TNPO2: variants seen among roughly 807,000 people sequenced by gnomAD.
The protein encoded by TNPO2 is transportin-2.
In TNPO2, 16 loss-of-function variants were observed where a neutral mutation model predicts 111.1. The observed-to-expected ratio is 0.14, with a 90% CI of 0.10 to 0.22. TNPO2 has a LOEUF of 0.22. Ranked by LOEUF, TNPO2 falls within the 10% of genes least tolerant of loss-of-function variation. TNPO2 has a pLI of 1.00. For synonymous variants in TNPO2, 481 were observed against 475.8 expected, an observed-to-expected ratio of 1.01 and a Z score of -0.14; for missense variants, 530 against 1,173.7, an observed-to-expected ratio of 0.45 and a Z score of 8.01.
intron 1 of TNPO2, 117 bp downstream of exon 1, chr19:12,723,652 C>T (rs1033690443): frequency 6.6e-6 from 1 of 152,162 alleles, no homozygotes; most frequent in Non-Finnish European, 1.5e-5. Context: ...AATGAATTCA[C>T]CAGCTCTAAT....
chr19:12,709,526 T>G (rs1195465082), intron 13 of TNPO2, among the ~76,000 whole-genome samples: 1 of 152,124 alleles, frequency 6.6e-6, no homozygotes, highest in East Asian at 1.9e-4. Flanking sequence ...CAGTCTGTTC[T>G]CCATGCTGGA....
intron 10 of TNPO2, 41 bp downstream of exon 10, chr19:12,714,780 G>C: frequency 6.5e-7 from 1 of 1,546,226 alleles, no homozygotes; most frequent in Non-Finnish European, 8.9e-7. Context: ...ATAGCAAGGG[G>C]TCGAAGCTGG....
intron 13 of TNPO2, among the ~76,000 whole-genome samples, chr19:12,708,762 T>G (rs1246923027): frequency 2.0e-5 from 3 of 151,934 alleles, no homozygotes; most frequent in African/African-American, 7.3e-5. Flanking sequence ...TTCCAACTAC[T>G]TGGGAGGCTG....
intron 10 of TNPO2, 74 bp from the exon 11 acceptor site, chr19:12,711,687 G>T: frequency 7.4e-7 from 1 of 1,346,200 alleles, no homozygotes. Context: ...GCTTGGGGAG[G>T]AGGCAAACAG....
chr19:12,706,356 G>T lies in TNPO2; in HGVS notation c.1508C>A (p.Thr503Asn). 1 of 1,614,168 alleles carries T rather than the reference G, an allele frequency of 6.2e-7. No individual in the cohort carries two copies. The highest frequency in any genetic ancestry group is 8.5e-7 in the Non-Finnish European group (1 of 1,180,024). The change falls in exon 15 of 26, where the codon ACC becomes AAC. Residue 503 changes from threonine to asparagine, a missense_variant. By Grantham distance (65) the Thr-to-Asn change is moderately conservative (BLOSUM62 0). Transcript: ENST00000425528. This position sits in a 1 kb window ranked among gnomAD's most constrained non-coding sequence, Gnocchi z 7.0. ...VQEAACSAFA[T>N]LEEEACTELV... Reference sequence around the variant, plus strand: ...CTCCGTGCAGGCCTCTTCCTCCAGGGTGGCAAAAGCACTGGTGGGAGGGAG... The same window carrying T: ...CTCCGTGCAGGCCTCTTCCTCCAGGTTGGCAAAAGCACTGGTGGGAGGGAG...
chr19:12,699,634 A>T lies in TNPO2; in HGVS notation c.*1630T>A, dbSNP rs2025186488. The T allele has an allele frequency of 6.6e-6, 1 of 152,186 alleles. No homozygotes were observed. The allele number at this position is 152,186 out of a possible 1,614,324, so 9.4% of individuals were successfully genotyped here. On this transcript the variant is annotated 3_prime_UTR_variant, in exon 26 of 26. Transcript: ENST00000425528. ...GCTTCAAAGAACTGGAATTACCAGA[A>T]AATTAAAAGGTATTTTTAAAACTTT...
Position 12,721,691 on chromosome 19 carries a change from G to C in TNPO2, c.-13-701C>G, listed in dbSNP as rs1318880908. ...CCAGGTAGGTCTCTGCTGCCTCTTC[G>C]AATGAGAGCCAGCCAAGCCCGGCCA... is the stretch of plus-strand genomic sequence containing the variant. On this transcript the variant is annotated intron_variant, in intron 2 of 25. Coordinates refer to ENST00000425528, the MANE Select transcript of TNPO2 (RefSeq NM_001382241.1). This position sits in a 1 kb window ranked among gnomAD's most constrained non-coding sequence, Gnocchi z 4.9. The C allele has an allele frequency of 4.6e-6, 1 of 217,210 alleles. No homozygotes were observed. The highest frequency in any genetic ancestry group is 2.4e-5 in the African/African-American group (1 of 41,530). 13.5% of individuals were successfully genotyped at this position (217,210 alleles called of 1,614,324 possible).
rs933041213 is a variant in TNPO2 at position 12,706,857 on chromosome 19, G to A, written c.1271-62C>T. The A allele has an allele frequency of 7.3e-7, 1 of 1,374,698 alleles. No individual in the cohort carries two copies. The highest frequency in any genetic ancestry group is 1.0e-6 in the Non-Finnish European group (1 of 988,050). 85.2% of individuals were successfully genotyped at this position (1,374,698 alleles called of 1,614,324 possible). A position where few individuals can be genotyped will look rare whatever the true frequency, so the allele number is the denominator to read the frequency against. On this transcript the variant is annotated intron_variant, in intron 13 of 25. Coordinates refer to ENST00000425528, the MANE Select transcript of TNPO2 (RefSeq NM_001382241.1). The surrounding 1 kb of genome is among the most constrained non-coding windows in gnomAD (Gnocchi z 7.0). ...TGGGCCCAGCCACACCCACCGTATG[G>A]AGAGAAGAGTCAGCCGCACACAACA...
At chr19:12,722,648 C>T (rs1967079480) in intron 2 of TNPO2, 1 of 151,292 alleles carries the variant, frequency 6.6e-6, no homozygotes, top group African/African-American at 2.4e-5. Flanking sequence ...CTCCCGTACT[C>T]CGTTCAAACT....
At position 12,703,476 on chromosome 19, in the gene TNPO2, C is replaced by T. The variant is rs778731425; in HGVS notation, c.2161G>A (p.Val721Ile). 6.2e-7 allele frequency: 1 copy of T among 1,613,968 alleles called. No individual in the cohort carries two copies. The highest frequency in any genetic ancestry group is 8.5e-7 in the Non-Finnish European group (1 of 1,179,892). The change falls in exon 20 of 26, where the codon GTC becomes ATC. Residue 721 changes from valine (V) to isoleucine (I), a missense_variant. Transcript: ENST00000425528. ...GTNLNPEFISVCNNATWAIGE... is the reference protein window; with the variant it reads ...GTNLNPEFISICNNATWAIGE... ...ATGGCCCAGGTGGCGTTGTTGCAGA[C>T]GGAGATGAACTCTGGGTTCAGGTTG...
chr19:12,713,710 A>C (rs114876451), intron 10 of TNPO2, among the ~76,000 whole-genome samples: 135 of 152,002 alleles, frequency 8.9e-4, no homozygotes, highest in African/African-American at 3.1e-3. Flanking sequence ...CGTCTCAAAA[A>C]CAGAAATTTC....
chr19:12,717,925 G>A (rs958408344), intron 5 of TNPO2, among the ~76,000 whole-genome samples: 3 of 151,980 alleles, frequency 2.0e-5, no homozygotes, highest in South Asian at 2.1e-4. Flanking sequence ...CAAGTGATCC[G>A]CCTGCCTTGG....
chr19:12,704,127 C>T (rs1366428566), intron 18 of TNPO2, among the ~76,000 whole-genome samples: 4 of 152,162 alleles, frequency 2.6e-5, no homozygotes, highest in African/African-American at 4.8e-5. Flanking sequence ...AGCACTTTGG[C>T]AGGCCGAGGC....
chr19:12,701,558 C>G lies in TNPO2; in HGVS notation c.2586+40G>C. On this transcript the variant is annotated intron_variant, in intron 24 of 25. Coordinates refer to ENST00000425528, the MANE Select transcript of TNPO2 (RefSeq NM_001382241.1). The surrounding 1 kb of genome is among the most constrained non-coding windows in gnomAD (Gnocchi z 5.0). Reference sequence around the variant, plus strand: ...TGTTACCAGATGGTCTCACCCCTGCCTGCTCCCGGAACTAGATCAGGGCCC... The same window carrying G: ...TGTTACCAGATGGTCTCACCCCTGCGTGCTCCCGGAACTAGATCAGGGCCC... 6.2e-7 allele frequency: 1 copy of G among 1,611,486 alleles called. No homozygotes were observed. Among genetic ancestry groups the G allele is most frequent in the African/African-American group, 1.3e-5 (1 of 74,958 alleles).
At position 12,709,323 on chromosome 19, in the gene TNPO2, C is replaced by T. The variant is rs568095528; in HGVS notation, c.1270+1298G>A. On this transcript the variant is annotated intron_variant, in intron 13 of 25. Transcript: ENST00000425528. The stretch of plus-strand genomic sequence containing the variant: ...GTTGCAGTGAGCCAAGATCATGCCA[C>T]TGCACCCCAGCCTGGCGAGAAAGCA... Among the ~76,000 whole-genome samples, 20 of 152,298 alleles carry T rather than the reference C, an allele frequency of 1.3e-4. No homozygotes were observed. The South Asian group carries it at 2.7e-3, about 21-fold the overall frequency.
At chr19:12,714,194 T>C (rs1419368088) in intron 10 of TNPO2, among the ~76,000 whole-genome samples, 1 of 152,088 alleles carries the variant, frequency 6.6e-6, no homozygotes, top group Admixed American at 6.6e-5. Flanking sequence ...AGAGGGAAGG[T>C]TGTGCCTAAG....
intron 13 of TNPO2, among the ~76,000 whole-genome samples, chr19:12,707,453 C>T (rs1599413331): frequency 1.4e-5 from 2 of 142,758 alleles, no homozygotes; most frequent in East Asian, 4.2e-4. Context: ...GCATTTGAAA[C>T]AGTTCTTAAG....
Position 12,705,483 on chromosome 19 carries a change from G to A in TNPO2, c.1863+9C>T. The A allele has an allele frequency of 6.3e-7, 1 of 1,588,742 alleles. No individual in the cohort carries two copies. Among genetic ancestry groups the A allele is most frequent in the Non-Finnish European group, 8.6e-7 (1 of 1,168,076 alleles). On this transcript the variant is annotated intron_variant, in intron 17 of 25. Transcript: ENST00000425528. This position sits in a 1 kb window ranked among gnomAD's most constrained non-coding sequence, Gnocchi z 7.2. ...CAGAAGCACAGGTGACGGGCCTAGG[G>A]TTGCTCACCATGGCCTGAGCCAGTG... is the stretch of plus-strand genomic sequence containing the variant.
chr19:12,720,854 C>G, intron 3 of TNPO2, 25 bp downstream of exon 3: 2 of 1,569,020 alleles, frequency 1.3e-6, no homozygotes, highest in Non-Finnish European at 1.7e-6. Flanking sequence ...CCGGCTCCCC[C>G]AGCCCCGGAA....
Sources: allele counts gnomAD v4.1 joint callset (sites outside exome capture counted in the v4.1 genomes callset), GRCh38; gene constraint gnomAD v4.1.1; non-coding constraint Gnocchi (gnomAD v3.1); transcripts MANE v1.5; gene names NCBI Gene and HGNC (gene_info 2026-07-23, HGNC 2026-07-21).